Variants in NECAB2 observed in about 807,000 individuals in gnomAD.
The protein encoded by NECAB2 is N-terminal EF-hand calcium-binding protein 2.
A neutral mutation model predicts 51.9 loss-of-function variants in NECAB2; 68 were observed. That is an observed-to-expected ratio of 1.31 (90% CI 1.08 to 1.60). The LOEUF is 1.60. Among genes scored for constraint, NECAB2 ranks in the 40% most tolerant of loss-of-function variants. The pLI, the probability that NECAB2 is intolerant of heterozygous loss-of-function variation, is 0.00. For synonymous variants in NECAB2, 329 were observed against 203.5 expected (o/e 1.62, Z -5.25); for missense variants, 854 against 490.3 (o/e 1.74, Z -7.00).
At chr16:84,001,380 CTCACGGTTTGCTG>C (rs2084831071) in intron 11 of NECAB2, among the ~76,000 whole-genome samples, 1 of 152,146 alleles carries the variant, frequency 6.6e-6, no homozygotes, top group African/African-American at 2.4e-5. Flanking sequence ...CTGGTAAACA[CTCACGGTTTGCTG>C]ACAAACTCAG....
At chr16:83,994,737 A>G in intron 8 of NECAB2, 49 bp downstream of exon 8, 1 of 1,598,276 alleles carries the variant, frequency 6.3e-7, no homozygotes, top group Middle Eastern at 1.7e-4. Context: ...CCCCTGAGGG[A>G]GTGCAGAGTT....
At chr16:83,996,724 C>A (rs1013179540) in intron 8 of NECAB2, among the ~76,000 whole-genome samples, 4 of 152,096 alleles carry the variant, frequency 2.6e-5, no homozygotes, top group African/African-American at 4.8e-5. Flanking sequence ...TGTGTGGGCA[C>A]CAGTCGTGGG....
intron 11 of NECAB2, 78 bp from the exon 12 acceptor site, chr16:84,001,747 G>A: frequency 2.0e-6 from 3 of 1,509,812 alleles, no homozygotes; most frequent in Non-Finnish European, 2.8e-6. Flanking sequence ...TTTTGGGCTA[G>A]AGCTAGGATT....
intron 10 of NECAB2, among the ~76,000 whole-genome samples, chr16:84,000,222 A>T (rs1390842442): frequency 2.0e-5 from 3 of 152,202 alleles, no homozygotes; most frequent in Non-Finnish European, 4.4e-5. Flanking sequence ...GTTTAAATAA[A>T]TGTTCACACT....
chr16:83,972,585 C>T (rs1453217955), intron 2 of NECAB2, among the ~76,000 whole-genome samples: 1 of 152,260 alleles, frequency 6.6e-6, no homozygotes, highest in Non-Finnish European at 1.5e-5. Flanking sequence ...TGCAGTTCTT[C>T]ATCGTAGCAA....
chr16:83,982,701 A>C (rs13335756), intron 5 of NECAB2, among the ~76,000 whole-genome samples: 26,093 of 152,096 alleles, frequency 0.17, 3,512 homozygotes, highest in African/African-American at 0.38. Context: ...AGAGTTCTCC[A>C]TCAGTGTCTA....
chr16:83,990,414 C>T lies in NECAB2; in HGVS notation c.460-80C>T, dbSNP rs111461907. On this transcript the variant is annotated intron_variant, in intron 5 of 12. Transcript: ENST00000305202. ...AGCAAATTCACCAGCACCAGCTTTC[C>T]CCCAACTCCTGTGCTAGACCCCACC... 11,028 of 1,544,680 alleles carry T rather than the reference C, an allele frequency of 7.1e-3. 58 individuals carry two copies. Among genetic ancestry groups the T allele is most frequent in the Middle Eastern group, 9.1e-3 (53 of 5,814 alleles).
intron 1 of NECAB2, chr16:83,971,808 C>G (rs947378818): frequency 4.3e-6 from 2 of 466,546 alleles, no homozygotes; most frequent in Non-Finnish European, 7.7e-6. Flanking sequence ...TTGTGTGCAG[C>G]TGAGCGTTTG....
At chr16:83,993,595 T>C (rs2084653663) in intron 6 of NECAB2, 1 of 154,278 alleles carries the variant, frequency 6.5e-6, no homozygotes, top group Non-Finnish European at 1.5e-5. Flanking sequence ...GTCCCTACTA[T>C]GTGCTGGACA....
At position 83,997,199 on chromosome 16, in the gene NECAB2, G is replaced by T. The variant is rs780565649; in HGVS notation, c.796-17G>T. The T allele has an allele frequency of 2.5e-6, 4 of 1,614,096 alleles. No individual in the cohort carries two copies. Among genetic ancestry groups the T allele is most frequent in the Non-Finnish European group, 3.4e-6 (4 of 1,179,988 alleles). The stretch of plus-strand genomic sequence containing the variant: ...GGGGCTCTGGGTCTAGCATCACTGT[G>T]TGCTGGATTGTTTCAGGCACTGTGG... On this transcript the variant is annotated splice_polypyrimidine_tract_variant and intron_variant, in intron 8 of 12. Coordinates refer to ENST00000305202, the MANE Select transcript of NECAB2 (RefSeq NM_019065.3).
At chr16:83,988,995 C>T (rs556192565) in intron 5 of NECAB2, among the ~76,000 whole-genome samples, 1 of 152,336 alleles carries the variant, frequency 6.6e-6, no homozygotes, top group East Asian at 1.9e-4. Context: ...AACTTGTCTT[C>T]TTTGGAATTC....
At chr16:83,976,836 C>T (rs1037083629) in intron 2 of NECAB2, among the ~76,000 whole-genome samples, 1 of 152,154 alleles carries the variant, frequency 6.6e-6, no homozygotes, top group Non-Finnish European at 1.5e-5. Flanking sequence ...TCTGAGGACC[C>T]CCCCTCTCCT....
At chr16:83,980,810 T>TCTGTCTCTGC in intron 3 of NECAB2, 29 bp from the exon 4 acceptor site, 1 of 1,562,446 alleles carries the variant, frequency 6.4e-7, no homozygotes, top group South Asian at 1.2e-5. Flanking sequence ...TCTGTCTCTG[T>TCTGTCTCTGC]CTGTCTCTGC....
intron 9 of NECAB2, 81 bp downstream of exon 9, chr16:83,997,350 C>T (rs8052260): frequency 0.38 from 597,562 of 1,557,154 alleles, 123,294 homozygotes; most frequent in African/African-American, 0.81. Context: ...GCTCAATGCC[C>T]CTGACCCCGC....
chr16:83,973,445 G>A (rs2084370441), intron 2 of NECAB2, among the ~76,000 whole-genome samples: 2 of 152,344 alleles, frequency 1.3e-5, no homozygotes, highest in South Asian at 4.1e-4. Flanking sequence ...GGGGGTGACA[G>A]TGACCACTCC....
chr16:83,981,150 C>G, intron 5 of NECAB2, 23 bp downstream of exon 5: 6 of 1,481,196 alleles, frequency 4.1e-6, no homozygotes, highest in South Asian at 1.2e-5. Flanking sequence ...AGGTGGCCCC[C>G]GGGGTCCAGG....
intron 1 of NECAB2, 90 bp downstream of exon 1, chr16:83,968,939 C>G (rs2432563): frequency 0.055 from 45,992 of 838,078 alleles, 1,705 homozygotes; most frequent in African/African-American, 0.16. Context: ...ACGCCGCGAC[C>G]CGCGAGGCCC....
At chr16:83,983,334 C>T (rs528775903) in intron 5 of NECAB2, among the ~76,000 whole-genome samples, 8 of 152,276 alleles carry the variant, frequency 5.3e-5, no homozygotes, top group Admixed American at 2.0e-4. Context: ...TCTTGCTTCC[C>T]TGTCTATCCT....
Position 84,001,920 on chromosome 16 carries a change from G to C in NECAB2, c.1132+4G>C, listed in dbSNP as rs759374513. 6.8e-6 allele frequency: 11 copies of C among 1,611,932 alleles called. No individual in the cohort carries two copies. In the East Asian group the frequency reaches 1.6e-4, roughly 23 times the overall value. ...CTCTCCAGGATCTTGGTGCCAGGTA[G>C]GGGGCAAAGGCCTGGAACTGCAGTG... is the stretch of plus-strand genomic sequence containing the variant. On this transcript the variant is annotated splice_donor_region_variant and intron_variant, in intron 12 of 12. Coordinates refer to ENST00000305202, the MANE Select transcript of NECAB2 (RefSeq NM_019065.3).
Sources: gnomAD v4.1 joint callset for allele counts (sites outside exome capture counted in the v4.1 genomes callset) on GRCh38, gnomAD v4.1.1 for gene constraint, MANE v1.5 for transcripts, NCBI Gene and HGNC (gene_info 2026-07-23, HGNC 2026-07-21) for gene names.